Variants in MELK observed in about 807,000 individuals in gnomAD.
MELK encodes maternal embryonic leucine zipper kinase.
Under a neutral mutation model 85.0 loss-of-function variants are expected in MELK, and 81 were observed. That is an observed-to-expected ratio of 0.95 (90% CI 0.80 to 1.15). MELK has a LOEUF of 1.15. MELK is among the 50% of genes most tolerant of loss of function. The pLI, the probability that MELK is intolerant of heterozygous loss-of-function variation, is 0.00. For synonymous variants in MELK, 252 were observed against 265.0 expected (o/e 0.95, Z 0.48); for missense variants, 754 against 777.5 (o/e 0.97, Z 0.36).
At chr9:36,638,025 G>T (rs1313973535) in intron 10 of MELK, among the ~76,000 whole-genome samples, 1 of 152,196 alleles carries the variant, frequency 6.6e-6, no homozygotes, top group South Asian at 2.1e-4. Flanking sequence ...CCCCTTGTGA[G>T]GTGGAGAGAG....
chr9:36,601,534 C>T (rs958005903), intron 7 of MELK, among the ~76,000 whole-genome samples: 1 of 152,110 alleles, frequency 6.6e-6, no homozygotes. Flanking sequence ...TATCATAGTC[C>T]TGGAATCATG....
chr9:36,629,097 C>G (rs1828254065), intron 8 of MELK, among the ~76,000 whole-genome samples: 1 of 151,860 alleles, frequency 6.6e-6, no homozygotes, highest in South Asian at 2.1e-4. Context: ...GAACTCCTGA[C>G]CTCGTGATCC....
At chr9:36,659,306 G>A (rs565325142) in intron 13 of MELK, among the ~76,000 whole-genome samples, 19 of 152,114 alleles carry the variant, frequency 1.2e-4, no homozygotes, top group Admixed American at 9.2e-4. Context: ...ATGAGCCACC[G>A]TGCCCGGCCA....
chr9:36,604,459 C>T (rs1376512315), intron 7 of MELK, among the ~76,000 whole-genome samples: 1 of 151,274 alleles, frequency 6.6e-6, no homozygotes, highest in East Asian at 1.9e-4. Flanking sequence ...CCACCATGCC[C>T]TGCTAATTTT....
At chr9:36,655,076 A>T (rs931720970) in intron 12 of MELK, among the ~76,000 whole-genome samples, 12 of 152,202 alleles carry the variant, frequency 7.9e-5, no homozygotes, top group African/African-American at 2.9e-4. Flanking sequence ...AAGAATCACA[A>T]ATAACCACGT....
At chr9:36,662,243 C>CTTTTTTT in intron 13 of MELK, among the ~76,000 whole-genome samples, 1 of 133,352 alleles carries the variant, frequency 7.5e-6, no homozygotes, top group Non-Finnish European at 1.6e-5. Context: ...GAATCTGTAT[C>CTTTTTTT]TTTTTTTTTT....
chr9:36,603,720 C>T (rs76070743), intron 7 of MELK, among the ~76,000 whole-genome samples: 4,459 of 152,248 alleles, frequency 0.029, 224 homozygotes, highest in African/African-American at 0.1. Flanking sequence ...GTTATTTTTT[C>T]ATGTCAACTG....
intron 13 of MELK, among the ~76,000 whole-genome samples, chr9:36,661,120 C>T (rs565224364): frequency 3.9e-4 from 59 of 152,288 alleles, no homozygotes; most frequent in African/African-American, 1.4e-3. Context: ...ACCTGTTCTG[C>T]CCCCTCCAGC....
intron 13 of MELK, among the ~76,000 whole-genome samples, chr9:36,661,119 GC>G (rs1564220742): frequency 6.6e-6 from 1 of 152,156 alleles, no homozygotes; most frequent in African/African-American, 2.4e-5. Flanking sequence ...AACCTGTTCT[GC>G]CCCCTCCAGC....
At chr9:36,590,078 T>C (rs1312356788) in intron 4 of MELK, among the ~76,000 whole-genome samples, 1 of 151,920 alleles carries the variant, frequency 6.6e-6, no homozygotes, top group Non-Finnish European at 1.5e-5. Context: ...CCCACCACCA[T>C]GCCCGGCTAA....
chr9:36,671,951 C>A (rs949871917), intron 16 of MELK, among the ~76,000 whole-genome samples: 6 of 152,066 alleles, frequency 3.9e-5, no homozygotes, highest in Non-Finnish European at 7.3e-5. Flanking sequence ...GGGCTCAGTG[C>A]TATAGTAAAA....
rs149387731 is a variant in MELK at position 36,603,928 on chromosome 9, C to G, written c.568-3647C>G. Reference sequence around the variant, plus strand: ...ATTTTATTCCTCTTTAAGTTTAACCCTAGACATAATCTTTCTGTTGACTTC... The same window carrying G: ...ATTTTATTCCTCTTTAAGTTTAACCGTAGACATAATCTTTCTGTTGACTTC... On this transcript the variant is annotated intron_variant, in intron 7 of 17. Coordinates refer to ENST00000298048, the MANE Select transcript of MELK (RefSeq NM_014791.4). Among the ~76,000 whole-genome samples, 378 of 152,112 alleles carry G rather than the reference C, an allele frequency of 2.5e-3. 1 individual carries two copies. Among genetic ancestry groups the G allele is most frequent in the African/African-American group, 7.3e-3 (303 of 41,482 alleles).
chr9:36,608,143 G>T (rs1163628255), intron 8 of MELK, among the ~76,000 whole-genome samples: 1 of 151,766 alleles, frequency 6.6e-6, no homozygotes, highest in Non-Finnish European at 1.5e-5. Flanking sequence ...AGCCGGGCAT[G>T]GTGGCGGGTG....
At chr9:36,633,460 T>C (rs1191182878) in intron 10 of MELK, among the ~76,000 whole-genome samples, 1 of 152,212 alleles carries the variant, frequency 6.6e-6, no homozygotes, top group Non-Finnish European at 1.5e-5. Context: ...GTGTTTCTCA[T>C]GTGCAGTCAG....
chr9:36,615,015 C>T (rs1271439632), intron 8 of MELK, among the ~76,000 whole-genome samples: 40 of 146,278 alleles, frequency 2.7e-4, no homozygotes, highest in African/African-American at 7.2e-4. Flanking sequence ...TAGGGGCGGC[C>T]GGGCAGAGGC....
intron 8 of MELK, among the ~76,000 whole-genome samples, chr9:36,615,723 C>T (rs1284967833): frequency 4.8e-5 from 7 of 145,384 alleles, no homozygotes; most frequent in African/African-American, 8.0e-5. Context: ...GATGGGGCGG[C>T]GGGGCAGAGG....
chr9:36,609,920 G>A (rs1180354258), intron 8 of MELK, among the ~76,000 whole-genome samples: 1 of 152,208 alleles, frequency 6.6e-6, no homozygotes, highest in African/African-American at 2.4e-5. Flanking sequence ...GGCAAAGGGT[G>A]AGGAATGCCA....
At chr9:36,645,256 C>CAAAAAAAAAAAAAAAAAA in intron 11 of MELK, among the ~76,000 whole-genome samples, 1 of 60,756 alleles carries the variant, frequency 1.6e-5, no homozygotes, top group Non-Finnish European at 3.4e-5. Flanking sequence ...GACTCCGTCT[C>CAAAAAAAAAAAAAAAAAA]AAAAAAAAAA....
chr9:36,602,145 A>G (rs572275975), intron 7 of MELK, among the ~76,000 whole-genome samples: 12 of 152,220 alleles, frequency 7.9e-5, no homozygotes, highest in South Asian at 2.1e-4. Flanking sequence ...TGGAATCTCC[A>G]TACTGTTTTC....
Sources: allele counts gnomAD v4.1 joint callset (sites outside exome capture counted in the v4.1 genomes callset), GRCh38; gene constraint gnomAD v4.1.1; transcripts MANE v1.5; gene names NCBI Gene and HGNC (gene_info 2026-07-23, HGNC 2026-07-21).